The following CASR variants were observed in gnomAD, a reference collection of about 807,000 sequenced individuals.
CASR encodes extracellular calcium-sensing receptor.
A neutral mutation model predicts 69.1 loss-of-function variants in CASR; 23 were observed. That is an observed-to-expected ratio of 0.33 (90% CI 0.24 to 0.47). The LOEUF (loss-of-function observed/expected upper bound fraction) is 0.47, where lower values mean the gene tolerates loss of function less well. Among genes scored for constraint, CASR ranks in the 20% least tolerant of loss-of-function variants. CASR has a pLI of 1.00. For missense variants in CASR, 924 were observed against 1,356.1 expected, an observed-to-expected ratio of 0.68 and a Z score of 5.00; for synonymous variants, 541 against 544.7, an observed-to-expected ratio of 0.99 and a Z score of 0.10.
In CASR at chr3:122,262,206, T is replaced by C; in HGVS notation, c.1171T>C (p.Phe391Leu). Residue 391 changes from phenylalanine (F) to leucine (L), a missense_variant, in exon 4 of 7, where the codon TTC becomes CTC. By Grantham distance (22) the Phe-to-Leu change is conservative. Coordinates refer to ENST00000639785, the MANE Select transcript of CASR (RefSeq NM_000388.4). ...CAGGTTTAGCAACAGCTCGACAGCC[T>C]TCCGACCCCTCTGTACAGGGGATGA... ...GDRFSNSSTA[F>L]RPLCTGDENI... The C allele has an allele frequency of 1.2e-6, 2 of 1,614,178 alleles. No homozygotes were observed. The highest frequency in any genetic ancestry group is 1.7e-6 in the Non-Finnish European group (2 of 1,180,018).
intron 5 of CASR, among the ~76,000 whole-genome samples, chr3:122,280,655 T>C (rs1369883398): frequency 6.6e-6 from 1 of 152,178 alleles, no homozygotes; most frequent in African/African-American, 2.4e-5. Context: ...GCCTTTCCAT[T>C]CCTCATTCAT....
chr3:122,233,241 G>A (rs1204037361), intron 1 of CASR, among the ~76,000 whole-genome samples: 3 of 152,140 alleles, frequency 2.0e-5, no homozygotes, highest in South Asian at 2.1e-4. Context: ...ACACCCTGTC[G>A]GTGAGACACC....
chr3:122,206,274 T>G (rs944671281), intron 1 of CASR, among the ~76,000 whole-genome samples: 1 of 151,766 alleles, frequency 6.6e-6, no homozygotes, highest in Admixed American at 6.6e-5. Flanking sequence ...GAGGGTTTTT[T>G]TTTTTATCAT....
At chr3:122,214,577 A>G (rs951530622) in intron 1 of CASR, among the ~76,000 whole-genome samples, 1 of 152,230 alleles carries the variant, frequency 6.6e-6, no homozygotes, top group African/African-American at 2.4e-5. Context: ...CATTCTGAAC[A>G]TATCTAAGTC....
intron 2 of CASR, 26 bp downstream of exon 2, chr3:122,254,400 ATCTCT>A: frequency 1.9e-6 from 3 of 1,605,884 alleles, no homozygotes; most frequent in Non-Finnish European, 2.6e-6. Context: ...TAATCTGCCA[ATCTCT>A]TCTCTTCTGA....
intron 1 of CASR, among the ~76,000 whole-genome samples, chr3:122,185,979 T>C (rs1213325570): frequency 1.7e-5 from 1 of 58,994 alleles, no homozygotes; most frequent in Non-Finnish European, 3.9e-5. Flanking sequence ...TGCGAGTTAC[T>C]TCCTGCCAAT....
intron 1 of CASR, among the ~76,000 whole-genome samples, chr3:122,210,261 T>G (rs562822226): frequency 1.3e-5 from 2 of 152,084 alleles, no homozygotes; most frequent in Admixed American, 6.5e-5. Flanking sequence ...GAGAAAGAAA[T>G]AAAATCATCC....
At chr3:122,186,141 T>G (rs1253093019) in intron 1 of CASR, among the ~76,000 whole-genome samples, 1 of 152,216 alleles carries the variant, frequency 6.6e-6, no homozygotes, top group Non-Finnish European at 1.5e-5. Context: ...TTTACTGAAT[T>G]AGCAGGTTCT....
chr3:122,207,523 C>T (rs957100979), intron 1 of CASR, among the ~76,000 whole-genome samples: 2 of 151,980 alleles, frequency 1.3e-5, no homozygotes, highest in African/African-American at 4.8e-5. Context: ...AGAGGAACTT[C>T]GGAAACTTCA....
intron 4 of CASR, among the ~76,000 whole-genome samples, chr3:122,274,063 G>C (rs1230536175): frequency 6.6e-6 from 1 of 152,202 alleles, no homozygotes; most frequent in Non-Finnish European, 1.5e-5. Context: ...GAAGGCTCAG[G>C]AGAAGACGAG....
chr3:122,197,889 T>A (rs2073905515), intron 1 of CASR, among the ~76,000 whole-genome samples: 1 of 152,212 alleles, frequency 6.6e-6, no homozygotes, highest in African/African-American at 2.4e-5. Flanking sequence ...TCTCATCTAT[T>A]TTTATTCTTC....
intron 1 of CASR, among the ~76,000 whole-genome samples, chr3:122,198,840 G>GATATAT (rs35390174): frequency 6.7e-6 from 1 of 149,710 alleles, no homozygotes; most frequent in Non-Finnish European, 1.5e-5. Context: ...TATATGAGAG[G>GATATAT]ATATATATAT....
chr3:122,277,751 G>A (rs1311369510), intron 5 of CASR, among the ~76,000 whole-genome samples: 1 of 152,150 alleles, frequency 6.6e-6, no homozygotes, highest in Non-Finnish European at 1.5e-5. Flanking sequence ...TTAATGCATA[G>A]AATTGAATTC....
chr3:122,263,125 G>T (rs1176848837), intron 4 of CASR, among the ~76,000 whole-genome samples: 1 of 152,132 alleles, frequency 6.6e-6, no homozygotes, highest in East Asian at 1.9e-4. Context: ...AGCTGTTCGG[G>T]TCTTGCATAT....
intron 1 of CASR, among the ~76,000 whole-genome samples, chr3:122,248,539 G>A (rs892437812): frequency 5.9e-5 from 9 of 151,662 alleles, no homozygotes; most frequent in African/African-American, 1.7e-4. Context: ...GTGTACTCAC[G>A]TTATGGAGAT....
rs200277155 is a variant in CASR at position 122,257,392 on chromosome 3, T to A, written c.492+5T>A. 39 of 1,611,284 alleles carry A rather than the reference T, an allele frequency of 2.4e-5. 1 individual carries two copies. The highest frequency in any genetic ancestry group is 1.7e-4 in the Middle Eastern group (1 of 5,766). ...GGGCTCTTCTACATTCCCCAGGTAC[T>A]CAAGCCTTCTCAGGCGGGGCACTGG... On this transcript the variant is annotated splice_donor_5th_base_variant and intron_variant, in intron 3 of 6. Coordinates refer to ENST00000639785, the MANE Select transcript of CASR (RefSeq NM_000388.4).
intron 5 of CASR, among the ~76,000 whole-genome samples, chr3:122,278,474 A>T (rs920490173): frequency 2.6e-5 from 4 of 152,224 alleles, no homozygotes; most frequent in African/African-American, 9.6e-5. Flanking sequence ...GCTACAACAA[A>T]TAAGAAGTAA....
chr3:122,190,627 G>A (rs539451206), intron 1 of CASR, among the ~76,000 whole-genome samples: 5 of 152,292 alleles, frequency 3.3e-5, no homozygotes, highest in Non-Finnish European at 7.4e-5. Context: ...CATAGACAGC[G>A]TGTCTTATTC....
rs2074990418 is a variant in CASR, at chr3:122,288,940, A to G, written c.*3749A>G. Reference sequence around the variant, plus strand: ...AATTTAGGTTGGAAATTTAGAGGTGACGATCAGCATATAACATCAATACCC... The same window carrying G: ...AATTTAGGTTGGAAATTTAGAGGTGGCGATCAGCATATAACATCAATACCC... On this transcript the variant is annotated 3_prime_UTR_variant, in exon 7 of 7. Coordinates refer to ENST00000639785, the MANE Select transcript of CASR (RefSeq NM_000388.4). 1 of 152,184 alleles carries G rather than the reference A, an allele frequency of 6.6e-6. No individual in the cohort carries two copies. Among genetic ancestry groups the G allele is most frequent in the African/African-American group, 2.4e-5 (1 of 41,444 alleles). 9.4% of individuals were successfully genotyped at this position (152,184 alleles called of 1,614,324 possible).
Sources: allele counts gnomAD v4.1 joint callset (sites outside exome capture counted in the v4.1 genomes callset), GRCh38; gene constraint gnomAD v4.1.1; transcripts MANE v1.5; gene names NCBI Gene and HGNC (gene_info 2026-07-23, HGNC 2026-07-21).